ANO2: variants seen among roughly 807,000 people sequenced by gnomAD.
The protein encoded by ANO2 is anoctamin 2.
In ANO2, 101 loss-of-function variants were observed where a neutral mutation model predicts 124.2. The observed-to-expected ratio is 0.81, with a 90% CI of 0.69 to 0.96. The LOEUF is 0.96. Among genes scored for constraint, ANO2 ranks in the 40% least tolerant of loss-of-function variants. The probability of loss-of-function intolerance (pLI) is 0.00; values close to 1 mark genes in which losing one functional copy is unlikely to be tolerated. For synonymous variants in ANO2, 486 were observed against 482.5 expected (o/e 1.01, Z -0.09); for missense variants, 1,293 against 1,274.5 (o/e 1.01, Z -0.22).
intron 4 of ANO2, among the ~76,000 whole-genome samples, chr12:5,851,681 T>C (rs1196239500): frequency 7.9e-6 from 1 of 126,152 alleles, no homozygotes; most frequent in African/African-American, 3.1e-5. Context: ...CAAGACTCCA[T>C]CTCAAAAAAA....
chr12:5,912,893 G>A lies in ANO2; in HGVS notation c.534+8147C>T, dbSNP rs143992090. On this transcript the variant is annotated intron_variant, in intron 3 of 24. Transcript: ENST00000682330. ...ACTCAGGAGAGCATGGCAGCGTCACGAATAAACAGTAGAGACGAGGGCATC... is the reference window on the plus strand; with the variant it reads ...ACTCAGGAGAGCATGGCAGCGTCACAAATAAACAGTAGAGACGAGGGCATC... Among the ~76,000 whole-genome samples the A allele has an allele frequency of 9.2e-5, 14 of 152,304 alleles. No homozygotes were observed. In the East Asian group the frequency reaches 1.7e-3, roughly 19 times the overall value.
At chr12:5,586,042 G>A (rs1417967755) in intron 20 of ANO2, among the ~76,000 whole-genome samples, 2 of 152,144 alleles carry the variant, frequency 1.3e-5, no homozygotes, top group African/African-American at 4.8e-5. Flanking sequence ...GAAGAGAAAT[G>A]GGGCAGCAGT....
intron 15 of ANO2, among the ~76,000 whole-genome samples, chr12:5,645,371 A>T (rs1238975173): frequency 2.0e-5 from 3 of 152,176 alleles, no homozygotes; most frequent in Non-Finnish European, 4.4e-5. Flanking sequence ...CCTGGGTGAC[A>T]GAATCAGACT....
intron 11 of ANO2, among the ~76,000 whole-genome samples, chr12:5,745,163 G>A (rs1368069184): frequency 6.6e-6 from 1 of 152,126 alleles, no homozygotes; most frequent in Admixed American, 6.5e-5. Context: ...AGGCTCATAT[G>A]AATGCTTGGA....
At position 5,732,406 on chromosome 12, in the gene ANO2, C is replaced by T. The variant is rs1483444019; in HGVS notation, c.1545+114G>A. ...ATGTCATGCTCTCATCTCATCCTGC[C>T]CCACATCAACCCCTTCTCAAGCCCA... is the stretch of plus-strand genomic sequence containing the variant. On this transcript the variant is annotated intron_variant, in intron 14 of 24. Coordinates refer to ENST00000682330, the MANE Select transcript of ANO2 (RefSeq NM_001364791.2). 31 of 791,360 alleles carry T rather than the reference C, an allele frequency of 3.9e-5. No individual in the cohort carries two copies. In the South Asian group the frequency reaches 4.9e-4, roughly 13 times the overall value. 49.0% of individuals were successfully genotyped at this position (791,360 alleles called of 1,614,324 possible).
At chr12:5,824,077 AT>A (rs1173520642) in intron 7 of ANO2, among the ~76,000 whole-genome samples, 1 of 151,860 alleles carries the variant, frequency 6.6e-6, no homozygotes, top group Non-Finnish European at 1.5e-5. Context: ...CCATGAAACC[AT>A]TTTTTCCTCC....
intron 1 of ANO2, among the ~76,000 whole-genome samples, chr12:5,923,351 C>T (rs1282560633): frequency 6.6e-6 from 1 of 152,290 alleles, no homozygotes; most frequent in East Asian, 1.9e-4. Context: ...TCATAATTCC[C>T]AGATAAGAAA....
At chr12:5,701,087 A>ATTTTTTTTTTTT (rs56113538) in intron 14 of ANO2, among the ~76,000 whole-genome samples, 3 of 93,610 alleles carry the variant, frequency 3.2e-5, no homozygotes, top group African/African-American at 4.2e-5. Flanking sequence ...GTCATTTTCA[A>ATTTTTTTTTTTT]TTTTTTTTTT....
At position 5,612,838 on chromosome 12, in the gene ANO2, G is replaced by A. The variant is rs529208455; in HGVS notation, c.1986+63C>T. On this transcript the variant is annotated intron_variant, in intron 18 of 24. Coordinates refer to ENST00000682330, the MANE Select transcript of ANO2 (RefSeq NM_001364791.2). Reference sequence around the variant, plus strand: ...AGGGGCGCGAATGAAGCCATGCTGTGCTGGAGATAAGAATGGGGCTGGGTT... The same window carrying A: ...AGGGGCGCGAATGAAGCCATGCTGTACTGGAGATAAGAATGGGGCTGGGTT... 9.3e-6 allele frequency: 15 copies of A among 1,607,822 alleles called. No homozygotes were observed. The East Asian group carries it at 3.3e-4, about 36-fold the overall frequency.
In ANO2 at chr12:5,854,100, C is replaced by T. The variant is rs946154448; in HGVS notation, c.576G>A (p.Pro192=). 17 of 1,613,386 alleles carry T rather than the reference C, an allele frequency of 1.1e-5. No homozygotes were observed. Among genetic ancestry groups the T allele is most frequent in the East Asian group, 8.9e-5 (4 of 44,876 alleles). The change falls in exon 4 of 25, where the codon CCG becomes CCA. Residue 192 remains proline, a synonymous_variant. Transcript: ENST00000682330. ...QGSIFVRIHA[P]WQVLAREAEF... The stretch of plus-strand genomic sequence containing the variant: ...CTGCCTCTCTGGCCAGCACCTGCCA[C>T]GGGGCGTGTATCCGGACAAAGATGG...
intron 3 of ANO2, among the ~76,000 whole-genome samples, chr12:5,857,818 A>ATAGT (rs1955152502): frequency 6.7e-6 from 1 of 150,118 alleles, no homozygotes; most frequent in African/African-American, 2.5e-5. Flanking sequence ...AGATAGATAG[A>ATAGT]TGCCCACTGG....
chr12:5,901,239 G>A (rs1416470913), intron 3 of ANO2, among the ~76,000 whole-genome samples: 1 of 152,214 alleles, frequency 6.6e-6, no homozygotes, highest in Non-Finnish European at 1.5e-5. Flanking sequence ...GTGGGAGGGA[G>A]ATGCTTGGAA....
intron 10 of ANO2, among the ~76,000 whole-genome samples, chr12:5,763,200 T>G (rs1429944075): frequency 6.6e-6 from 1 of 152,072 alleles, no homozygotes; most frequent in Non-Finnish European, 1.5e-5. Context: ...AAAAAATAAC[T>G]ATTAAAATAG....
chr12:5,646,768 C>A (rs557770456), intron 15 of ANO2, among the ~76,000 whole-genome samples: 3 of 152,176 alleles, frequency 2.0e-5, no homozygotes, highest in Non-Finnish European at 4.4e-5. Context: ...CACCCATCAA[C>A]TCTGTACTTC....
intron 10 of ANO2, among the ~76,000 whole-genome samples, chr12:5,751,812 C>T (rs1951449375): frequency 6.6e-6 from 1 of 152,166 alleles, no homozygotes; most frequent in Non-Finnish European, 1.5e-5. Context: ...CTATATTATA[C>T]AGTAGATCTC....
At chr12:5,575,767 G>A (rs1235697466) in intron 23 of ANO2, 67 bp downstream of exon 23, 22 of 1,523,934 alleles carry the variant, frequency 1.4e-5, no homozygotes, top group South Asian at 8.9e-5. Context: ...ATTCTAGGTC[G>A]TCCCCGTAAT....
At chr12:5,743,173 T>A (rs1369774710) in intron 12 of ANO2, among the ~76,000 whole-genome samples, 1 of 151,858 alleles carries the variant, frequency 6.6e-6, no homozygotes, top group Non-Finnish European at 1.5e-5. Flanking sequence ...CTCCTCCTTC[T>A]CCTCATACGC....
chr12:5,593,141 A>G (rs1943488933), intron 20 of ANO2, among the ~76,000 whole-genome samples: 2 of 152,260 alleles, frequency 1.3e-5, no homozygotes, highest in Admixed American at 1.3e-4. Context: ...TTGACAGGAT[A>G]TAAGCTCATG....
At chr12:5,938,382 C>T (rs74056739) in intron 1 of ANO2, among the ~76,000 whole-genome samples, 14,806 of 152,188 alleles carry the variant, frequency 0.097, 1,142 homozygotes, top group African/African-American at 0.21. Context: ...CTGAAAATAA[C>T]TGATCTACAT....
Sources: allele counts gnomAD v4.1 joint callset (sites outside exome capture counted in the v4.1 genomes callset), GRCh38; gene constraint gnomAD v4.1.1; transcripts MANE v1.5; gene names NCBI Gene and HGNC (gene_info 2026-07-23, HGNC 2026-07-21).